The following MAP2K3 variants were observed in gnomAD, a reference collection of about 807,000 sequenced individuals.
MAP2K3 encodes dual specificity mitogen-activated protein kinase kinase 3.
MAP2K3 carries 30 observed loss-of-function variants against 46.4 expected under a neutral mutation model. The observed-to-expected ratio is 0.65, with a 90% CI of 0.48 to 0.88. MAP2K3 has a LOEUF of 0.88. Among genes scored for constraint, MAP2K3 ranks in the 40% least tolerant of loss-of-function variants. The pLI is 0.00. For missense variants in MAP2K3, 380 were observed against 464.5 expected (o/e 0.82, Z 1.67); for synonymous variants, 189 against 176.3 (o/e 1.07, Z -0.57).
chr17:21,314,979 A>G lies in MAP2K3; in HGVS notation c.*749A>G, dbSNP rs1977336867. On this transcript the variant is annotated 3_prime_UTR_variant, in exon 12 of 12. Coordinates refer to ENST00000342679, the MANE Select transcript of MAP2K3 (RefSeq NM_145109.3). The stretch of plus-strand genomic sequence containing the variant: ...CACCCCCTAGGGTACCAGCAGGCAG[A>G]GCCTTGCCCTCTGCTCAGGCTGGGG... 1 of 152,578 alleles carries G rather than the reference A, an allele frequency of 6.6e-6. No individual in the cohort carries two copies. The highest frequency in any genetic ancestry group is 2.1e-4 in the South Asian group (1 of 4,830). The allele number at this position is 152,578 out of a possible 1,614,324, so 9.5% of individuals were successfully genotyped here.
In MAP2K3 at chr17:21,298,909, A is replaced by C. The variant is rs1166933352; in HGVS notation, c.148A>C (p.Ile50Leu). The change falls in exon 3 of 12, where the codon ATC (isoleucine) becomes CTC (leucine). Residue 50 changes from isoleucine (I) to leucine (L), a missense_variant. Ile to Leu is a conservative substitution (Grantham distance 5). Around this residue, in one of 5 missense-constraint regions of MAP2K3, gnomAD observed 294 missense variants for 275.4 expected, o/e 1.07. Transcript: ENST00000342679. ...CCGGAACCTGGACTCCCGGACCTTC[A>C]TCACCATTGGAGACAGAGTAGGTGC... ...PPRNLDSRTF[I>L]TIGDRNFEVE... 2 of 1,614,300 alleles carry C rather than the reference A, an allele frequency of 1.2e-6. No homozygotes were observed. Among genetic ancestry groups the C allele is most frequent in the Admixed American group, 1.7e-5 (1 of 60,036 alleles).
At chr17:21,295,332 GTCAGTT>G (rs1976178241) in intron 1 of MAP2K3, among the ~76,000 whole-genome samples, 1 of 152,428 alleles carries the variant, frequency 6.6e-6, no homozygotes, top group South Asian at 2.1e-4. Flanking sequence ...CTGAATTCTG[GTCAGTT>G]TCAGTTTCCT....
At position 21,300,976 on chromosome 17, in the gene MAP2K3, G is replaced by A. The variant is rs756764700; in HGVS notation, c.382G>A (p.Gly128Arg). The change falls in exon 5 of 12, where the codon GGG (glycine) becomes AGG (arginine). Residue 128 changes from glycine to arginine, a missense_variant. Transcript: ENST00000342679. ...CTGTTTCTACACTGTCACCTTCTACGGGGCACTATTCAGAGAGGTGCGTCC... is the reference window on the plus strand; with the variant it reads ...CTGTTTCTACACTGTCACCTTCTACAGGGCACTATTCAGAGAGGTGCGTCC... ...VDCFYTVTFY[G>R]ALFREGDVWI... 1.1e-5 allele frequency: 18 copies of A among 1,614,060 alleles called. No homozygotes were observed. In the African/African-American group the frequency reaches 1.2e-4, roughly 11 times the overall value.
chr17:21,308,187 G>A (rs994591945), intron 9 of MAP2K3, among the ~76,000 whole-genome samples: 24 of 140,872 alleles, frequency 1.7e-4, no homozygotes, highest in African/African-American at 6.2e-4. Context: ...TCACTCTGTC[G>A]ACCAGGCTAG....
At chr17:21,301,895 C>T (rs1451019542) in intron 5 of MAP2K3, among the ~76,000 whole-genome samples, 2 of 152,312 alleles carry the variant, frequency 1.3e-5, no homozygotes, top group Non-Finnish European at 2.9e-5. Flanking sequence ...CTCTTCCTCC[C>T]TGGAGACACC....
intron 1 of MAP2K3, 35 bp from the exon 2 acceptor site, chr17:21,298,378 G>A (rs1376632148): frequency 3.7e-6 from 6 of 1,614,130 alleles, no homozygotes; most frequent in Non-Finnish European, 5.1e-6. Context: ...GATGTCAAGG[G>A]ATAGGCCAGA....
At chr17:21,287,547 C>T (rs766475510) in intron 1 of MAP2K3, among the ~76,000 whole-genome samples, 3 of 152,214 alleles carry the variant, frequency 2.0e-5, no homozygotes, top group Non-Finnish European at 4.4e-5. Context: ...GTTTCCATGC[C>T]ATGGGCCTGG....
At chr17:21,302,343 T>TGA in intron 6 of MAP2K3, 84 bp downstream of exon 6, 2 of 1,423,618 alleles carry the variant, frequency 1.4e-6, no homozygotes, top group South Asian at 1.2e-5. Flanking sequence ...AGCCTGCCTA[T>TGA]TGATGGTGTC....
chr17:21,290,767 T>A (rs1332753263), intron 1 of MAP2K3, among the ~76,000 whole-genome samples: 1 of 151,748 alleles, frequency 6.6e-6, no homozygotes, highest in Admixed American at 6.6e-5. Context: ...CTGGGCAACA[T>A]AGGGAGAGCT....
chr17:21,301,981 G>A (rs1219798059), intron 5 of MAP2K3, among the ~76,000 whole-genome samples, 162 bp from the exon 6 acceptor site: 2 of 152,310 alleles, frequency 1.3e-5, no homozygotes, highest in East Asian at 1.9e-4. Flanking sequence ...TGGGGGAAGC[G>A]GGCAAGTGGG....
intron 11 of MAP2K3, 102 bp downstream of exon 11, chr17:21,313,639 C>G (rs1673839): frequency 4.4e-5 from 43 of 972,150 alleles, no homozygotes; most frequent in Middle Eastern, 2.4e-4. Flanking sequence ...TGGGTAGCTC[C>G]TCTGGCTGGC....
chr17:21,292,173 G>A (rs1390497039), intron 1 of MAP2K3, among the ~76,000 whole-genome samples: 1 of 152,304 alleles, frequency 6.6e-6, no homozygotes, highest in Non-Finnish European at 1.5e-5. Flanking sequence ...TGCGGGGGCT[G>A]TACTGTGCTC....
intron 1 of MAP2K3, chr17:21,295,863 GA>G (rs1976215866): frequency 7.8e-7 from 1 of 1,287,346 alleles, no homozygotes; most frequent in Non-Finnish European, 1.0e-6. Flanking sequence ...GGGCCAGAGG[GA>G]CCAAGAGCAG....
intron 3 of MAP2K3, 100 bp from the exon 4 acceptor site, chr17:21,300,445 C>A: frequency 8.1e-7 from 1 of 1,239,474 alleles, no homozygotes; most frequent in Non-Finnish European, 1.2e-6. Flanking sequence ...CAGATCTAAT[C>A]AGCTGGTCCT....
At chr17:21,303,502 C>G (rs932630165) in intron 7 of MAP2K3, among the ~76,000 whole-genome samples, 2 of 152,310 alleles carry the variant, frequency 1.3e-5, no homozygotes, top group African/African-American at 4.8e-5. Context: ...AATCGTGAAA[C>G]TCCAGCATAG....
At chr17:21,308,091 G>A (rs201380201) in intron 9 of MAP2K3, among the ~76,000 whole-genome samples, 2 of 150,560 alleles carry the variant, frequency 1.3e-5, no homozygotes, top group African/African-American at 4.9e-5. Context: ...CCTGACCTCA[G>A]GTGATCTGCC....
chr17:21,312,375 A>G (rs540278078), intron 10 of MAP2K3, 94 bp downstream of exon 10: 68 of 1,323,096 alleles, frequency 5.1e-5, no homozygotes, highest in Non-Finnish European at 6.5e-5. Context: ...CCTTTGGCAA[A>G]TAAACCCCCA....
chr17:21,302,032 G>T (rs1976630364), intron 5 of MAP2K3, 111 bp from the exon 6 acceptor site: 2 of 1,032,188 alleles, frequency 1.9e-6, no homozygotes, highest in Non-Finnish European at 3.0e-6. Flanking sequence ...GAGTGGGTGG[G>T]CACACGTCGG....
rs202150774 is a variant in MAP2K3 at position 21,302,282 on chromosome 17, C to T, written c.516+23C>T. 46 of 84,592 alleles carry T rather than the reference C, an allele frequency of 5.4e-4. No individual in the cohort carries two copies. The Admixed American group carries it at 6.8e-3, about 12-fold the overall frequency. The allele number at this position is 84,592 out of a possible 1,614,324, so 5.2% of individuals were successfully genotyped here. Reference sequence around the variant, plus strand: ...TCTGTGAGTGGCCTGGGTGGGCTGGCGGGGGGTCCTAGGTGCATAGGCAGA... The same window carrying T: ...TCTGTGAGTGGCCTGGGTGGGCTGGTGGGGGGTCCTAGGTGCATAGGCAGA... On this transcript the variant is annotated intron_variant, in intron 6 of 11. Transcript: ENST00000342679.
Sources: allele counts gnomAD v4.1 joint callset (sites outside exome capture counted in the v4.1 genomes callset), GRCh38; gene constraint gnomAD v4.1.1; regional missense constraint gnomAD v4.1.1; transcripts MANE v1.5; gene names NCBI Gene and HGNC (gene_info 2026-07-23, HGNC 2026-07-21).